The following CA8 variants were observed in gnomAD, a reference collection of about 807,000 sequenced individuals.
CA8 encodes the protein carbonic anhydrase 8 (inactive), also known as carbonic anhydrase-related protein.
Under a neutral mutation model 41.4 loss-of-function variants are expected in CA8, and 22 were observed. The observed-to-expected ratio is 0.53, with a 90% confidence interval of 0.38 to 0.76. CA8 has a LOEUF of 0.76. CA8 is among the 30% of genes least tolerant of loss of function. The pLI is 0.00. For missense variants in CA8, 270 were observed against 352.8 expected, an observed-to-expected ratio of 0.77 and a Z score of 1.88; for synonymous variants, 121 against 130.6, an observed-to-expected ratio of 0.93 and a Z score of 0.50.
chr8:60,255,584 C>T (rs953961215), intron 3 of CA8, among the ~76,000 whole-genome samples: 8 of 152,200 alleles, frequency 5.3e-5, no homozygotes, highest in African/African-American at 1.9e-4. Context: ...AGAGAATTTA[C>T]TTGCCTTTGG....
chr8:60,190,351 T>C (rs987115327), intron 8 of CA8, among the ~76,000 whole-genome samples: 2 of 149,420 alleles, frequency 1.3e-5, no homozygotes, highest in Admixed American at 1.3e-4. Flanking sequence ...CACAGATGGA[T>C]GGTAGCTCAA....
intron 8 of CA8, among the ~76,000 whole-genome samples, chr8:60,190,246 T>C (rs1016109363): frequency 4.0e-5 from 6 of 151,504 alleles, no homozygotes; most frequent in African/African-American, 9.7e-5. Flanking sequence ...AAATAAATAA[T>C]GCTTGAACTA....
chr8:60,222,368 T>G (rs1807280601), intron 7 of CA8, among the ~76,000 whole-genome samples: 1 of 152,184 alleles, frequency 6.6e-6, no homozygotes, highest in African/African-American at 2.4e-5. Flanking sequence ...CTGGGGAAAT[T>G]CACATAAGGA....
intron 2 of CA8, 101 bp downstream of exon 2, chr8:60,279,588 C>T (rs769488218): frequency 2.3e-5 from 23 of 994,580 alleles, no homozygotes; most frequent in South Asian, 9.4e-5. Context: ...AATAGAGATA[C>T]GTCAGTTGTA....
intron 4 of CA8, among the ~76,000 whole-genome samples, chr8:60,229,420 C>T (rs1480069087): frequency 1.3e-5 from 2 of 152,164 alleles, no homozygotes; most frequent in Non-Finnish European, 2.9e-5. Context: ...CGTGCTCAAG[C>T]CATCCTCCCG....
At chr8:60,213,602 G>T (rs1408004014) in intron 7 of CA8, among the ~76,000 whole-genome samples, 1 of 152,208 alleles carries the variant, frequency 6.6e-6, no homozygotes, top group African/African-American at 2.4e-5. Flanking sequence ...TGTGCTGGAA[G>T]TGCAGAATAC....
At chr8:60,194,524 G>C (rs550611123) in intron 8 of CA8, among the ~76,000 whole-genome samples, 1 of 152,150 alleles carries the variant, frequency 6.6e-6, no homozygotes, top group East Asian at 1.9e-4. Flanking sequence ...TCACTCAATT[G>C]TGTCTGTGTC....
At position 60,187,657 on chromosome 8, in the gene CA8, T is replaced by C. The variant is rs559215715; in HGVS notation, c.*2364A>G. 2.7e-4 allele frequency: 41 copies of C among 152,282 alleles called. No homozygotes were observed. The highest frequency in any genetic ancestry group is 9.6e-4 in the African/African-American group (40 of 41,580). 9.4% of individuals were successfully genotyped at this position (152,282 alleles called of 1,614,324 possible). On this transcript the variant is annotated 3_prime_UTR_variant, in exon 9 of 9. Coordinates refer to ENST00000317995, the MANE Select transcript of CA8 (RefSeq NM_004056.6). Reference sequence around the variant, plus strand: ...TAATTGGCAAACCTTCTGACAACAGTATTACTTTACACACCATCAGGTACG... The same window carrying C: ...TAATTGGCAAACCTTCTGACAACAGCATTACTTTACACACCATCAGGTACG...
At chr8:60,243,845 G>T (rs1015866294) in intron 3 of CA8, among the ~76,000 whole-genome samples, 1 of 151,974 alleles carries the variant, frequency 6.6e-6, no homozygotes, top group African/African-American at 2.4e-5. Context: ...CCCCTCACAG[G>T]GTTCCGCCCT....
At chr8:60,274,156 A>AT (rs35724309) in intron 2 of CA8, among the ~76,000 whole-genome samples, 61,075 of 150,434 alleles carry the variant, frequency 0.41, 12,495 homozygotes, top group East Asian at 0.59. Flanking sequence ...TCTTGTGTGG[A>AT]TTTTTTTTTT....
intron 8 of CA8, among the ~76,000 whole-genome samples, chr8:60,200,551 C>A (rs548245284): frequency 6.6e-6 from 1 of 152,086 alleles, no homozygotes; most frequent in African/African-American, 2.4e-5. Context: ...AATCAGGAGA[C>A]GTCAGTAATT....
intron 7 of CA8, among the ~76,000 whole-genome samples, chr8:60,210,827 T>C (rs1040930448): frequency 6.6e-6 from 1 of 152,238 alleles, no homozygotes; most frequent in Non-Finnish European, 1.5e-5. Context: ...GGTTTTTCGC[T>C]AGATCTTCTT....
rs545173621 is a variant in CA8, at chr8:60,206,321, C to G, written c.*35+2429G>C. On this transcript the variant is annotated intron_variant, in intron 8 of 8. Transcript: ENST00000317995. ...ATGAAGTATGTGAAATATACAAAAT[C>G]TCATAAACAACATTTCTCTGTGTGT... 1.1e-4 allele frequency among the ~76,000 whole-genome samples: 16 copies of G among 152,088 alleles called. No homozygotes were observed. The South Asian group carries it at 3.3e-3, about 32-fold the overall frequency.
chr8:60,213,766 CTT>C lies in CA8; in HGVS notation c.739-4849_739-4848del, dbSNP rs111255981. On this transcript the variant is annotated intron_variant, in intron 7 of 8. Coordinates refer to ENST00000317995, the MANE Select transcript of CA8 (RefSeq NM_004056.6). ...TCTTAATTTCACCTGTTTCTTTTGACTTTTTTTTTTTTTTACCATGGCTACTA... is the reference window on the plus strand; with the variant it reads ...TCTTAATTTCACCTGTTTCTTTTGACTTTTTTTTTTTTACCATGGCTACTA... Among the ~76,000 whole-genome samples the C allele has an allele frequency of 8.7e-4, 126 of 145,006 alleles. 1 individual carries two copies. Among genetic ancestry groups the C allele is most frequent in the African/African-American group, 2.2e-3 (87 of 39,740 alleles).
intron 8 of CA8, among the ~76,000 whole-genome samples, chr8:60,190,961 C>G (rs1368925223): frequency 1.4e-5 from 1 of 72,856 alleles, no homozygotes; most frequent in Non-Finnish European, 2.8e-5. Flanking sequence ...TATATATACA[C>G]ACACACATTT....
At chr8:60,190,211 T>G (rs1806076619) in intron 8 of CA8, among the ~76,000 whole-genome samples, 1 of 151,704 alleles carries the variant, frequency 6.6e-6, no homozygotes, top group Admixed American at 6.6e-5. Flanking sequence ...ATGCAGGATT[T>G]CACAGAAGCA....
At chr8:60,200,744 C>T (rs1318713627) in intron 8 of CA8, among the ~76,000 whole-genome samples, 2 of 152,136 alleles carry the variant, frequency 1.3e-5, no homozygotes, top group Non-Finnish European at 2.9e-5. Context: ...CACCACAATC[C>T]TCCCCATCAA....
intron 7 of CA8, among the ~76,000 whole-genome samples, chr8:60,221,282 T>C (rs1807236291): frequency 1.3e-5 from 2 of 152,210 alleles, no homozygotes; most frequent in African/African-American, 4.8e-5. Flanking sequence ...AGCACCTTAC[T>C]TATTATCATG....
intron 8 of CA8, among the ~76,000 whole-genome samples, chr8:60,200,138 C>T (rs1806381401): frequency 6.6e-6 from 1 of 152,198 alleles, no homozygotes; most frequent in African/African-American, 2.4e-5. Context: ...CCCCTTCTAC[C>T]ATGTGAGGAC....
Sources: allele counts gnomAD v4.1 joint callset (sites outside exome capture counted in the v4.1 genomes callset), GRCh38; gene constraint gnomAD v4.1.1; transcripts MANE v1.5; gene names NCBI Gene and HGNC (gene_info 2026-07-23, HGNC 2026-07-21).